Variants in INF2 observed in about 807,000 individuals in gnomAD.
The protein encoded by INF2 is inverted formin 2, also known as inverted formin-2.
A neutral mutation model predicts 123.5 loss-of-function variants in INF2; 43 were observed. The observed-to-expected ratio is 0.35, with a 90% CI of 0.27 to 0.45. INF2 has a LOEUF of 0.45. Ranked by LOEUF, INF2 falls within the 20% of genes least tolerant of loss-of-function variation. The pLI, the probability that INF2 is intolerant of heterozygous loss-of-function variation, is 1.00. For synonymous variants in INF2, 851 were observed against 745.0 expected (o/e 1.14, Z -2.32); for missense variants, 1,453 against 1,682.7 (o/e 0.86, Z 2.39).
intron 8 of INF2, 41 bp downstream of exon 8, chr14:104,708,043 C>G: frequency 6.3e-7 from 1 of 1,597,734 alleles, no homozygotes; most frequent in Non-Finnish European, 8.5e-7. Flanking sequence ...TCCCCTAGGA[C>G]GGGGGCTGGT....
rs574744227 is a variant in INF2, at chr14:104,708,268, A to G, written c.1736-168A>G. 2.8e-4 allele frequency: 262 copies of G among 933,222 alleles called. 1 individual carries two copies. In the African/African-American group the frequency reaches 3.7e-3, roughly 13 times the overall value. The allele number at this position is 933,222 out of a possible 1,614,324, so 57.8% of individuals were successfully genotyped here. A position where few individuals can be genotyped will look rare whatever the true frequency, so the allele number is the denominator to read the frequency against. ...TGCCATGGTGCCCTGGGGCCCTGCTACAGGTGCTCAGGTAGGGAGGTAGGG... is the reference window on the plus strand; with the variant it reads ...TGCCATGGTGCCCTGGGGCCCTGCTGCAGGTGCTCAGGTAGGGAGGTAGGG... On this transcript the variant is annotated intron_variant, in intron 8 of 22. Transcript: ENST00000392634.
chr14:104,692,201 G>A (rs1030413138), intron 1 of INF2, among the ~76,000 whole-genome samples: 5 of 152,350 alleles, frequency 3.3e-5, no homozygotes, highest in South Asian at 2.1e-4. Flanking sequence ...GGGTCCCTCC[G>A]CACGGTCTCC....
chr14:104,707,754 G>A lies in INF2; in HGVS notation c.1487G>A (p.Gly496Asp). The change falls in exon 8 of 23, where the codon GGC becomes GAC. Residue 496 changes from glycine (G) to aspartate (D), a missense_variant. Gly to Asp is a moderately conservative substitution (Grantham distance 94, BLOSUM62 -1). Coordinates refer to ENST00000392634, the MANE Select transcript of INF2 (RefSeq NM_022489.4). Reference protein sequence around the residue: ...FLPPPPPPLPGLGCPPPPPPL... With the variant: ...FLPPPPPPLPDLGCPPPPPPL... ...CCCCCACCACCTCCACCACTCCCGGGCTTGGGATGCCCGCCCCCACCCCCA... is the reference window on the plus strand; with the variant it reads ...CCCCCACCACCTCCACCACTCCCGGACTTGGGATGCCCGCCCCCACCCCCA... 3 of 1,334,732 alleles carry A rather than the reference G, an allele frequency of 2.2e-6. No individual in the cohort carries two copies. Among genetic ancestry groups the A allele is most frequent in the Non-Finnish European group, 3.1e-6 (3 of 979,240 alleles). 82.7% of individuals were successfully genotyped at this position (1,334,732 alleles called of 1,614,324 possible). A position where few individuals can be genotyped will look rare whatever the true frequency, so the allele number is the denominator to read the frequency against.
chr14:104,703,561 G>A (rs1293224276), intron 4 of INF2, 107 bp downstream of exon 4: 23 of 1,448,198 alleles, frequency 1.6e-5, no homozygotes, highest in East Asian at 6.8e-5. Flanking sequence ...AGCTGCCCCC[G>A]ACCCAGGGCC....
chr14:104,714,018 C>G (rs895792058), intron 20 of INF2, among the ~76,000 whole-genome samples, 185 bp from the exon 21 acceptor site: 3 of 152,228 alleles, frequency 2.0e-5, no homozygotes, highest in Admixed American at 6.5e-5. Context: ...CAGTGTCCCC[C>G]ACCCTGCCAC....
At chr14:104,683,617 C>A (rs918712681) in intron 1 of INF2, among the ~76,000 whole-genome samples, 3 of 136,760 alleles carry the variant, frequency 2.2e-5, no homozygotes, top group African/African-American at 8.0e-5. Flanking sequence ...CTCCCCACCA[C>A]ACACACACAG....
At chr14:104,698,360 T>C (rs1889296761) in intron 1 of INF2, among the ~76,000 whole-genome samples, 1 of 152,186 alleles carries the variant, frequency 6.6e-6, no homozygotes, top group Non-Finnish European at 1.5e-5. Context: ...GGCAAGGCTG[T>C]TTTTGCAGAG....
In INF2 at chr14:104,714,309, T is replaced by C. The variant is rs370826572; in HGVS notation, c.3147T>C (p.Leu1049=). Reference sequence around the variant, plus strand: ...CCAGCGAGTCCCGGGGCTGGGACCTTGTAGACGCCGTGACCCCCGGCCCTC... The same window carrying C: ...CCAGCGAGTCCCGGGGCTGGGACCTCGTAGACGCCGTGACCCCCGGCCCTC... The part of the protein sequence containing the change: ...TTASESRGWD[L]VDAVTPGPQP... Residue 1049 remains leucine (L), a synonymous_variant, in exon 21 of 23, where the codon CTT becomes CTC. Coordinates refer to ENST00000392634, the MANE Select transcript of INF2 (RefSeq NM_022489.4). 6.3e-7 allele frequency: 1 copy of C among 1,590,406 alleles called. No individual in the cohort carries two copies. Among genetic ancestry groups the C allele is most frequent in the African/African-American group, 1.3e-5 (1 of 74,212 alleles).
chr14:104,702,741 C>G (rs1215899302), intron 2 of INF2, among the ~76,000 whole-genome samples: 1 of 152,268 alleles, frequency 6.6e-6, no homozygotes, highest in Admixed American at 6.5e-5. Flanking sequence ...GAGACACCCC[C>G]AGAACTTTCA....
chr14:104,708,291 G>A (rs1442515530), intron 8 of INF2, 145 bp from the exon 9 acceptor site: 1 of 1,054,874 alleles, frequency 9.5e-7, no homozygotes, highest in African/African-American at 1.6e-5. Context: ...TAGGGAGGTA[G>A]GGTGCCTGCT....
chr14:104,707,242 C>A lies in INF2; in HGVS notation c.986-11C>A. On this transcript the variant is annotated splice_polypyrimidine_tract_variant and intron_variant, in intron 7 of 22. Coordinates refer to ENST00000392634, the MANE Select transcript of INF2 (RefSeq NM_022489.4). The stretch of plus-strand genomic sequence containing the variant: ...CCCTTCTCCCTTGACCCTGGACATC[C>A]CCTACTGCAGCCCAGGAATGCACCC... The A allele has an allele frequency of 6.2e-7, 1 of 1,604,692 alleles. No homozygotes were observed. The highest frequency in any genetic ancestry group is 2.2e-5 in the East Asian group (1 of 44,542).
intron 19 of INF2, 37 bp from the exon 20 acceptor site, chr14:104,713,408 G>T: frequency 6.3e-7 from 1 of 1,597,600 alleles, no homozygotes; most frequent in Non-Finnish European, 8.5e-7. Flanking sequence ...GGGCTCCAGG[G>T]TCCCATGCCG....
At chr14:104,713,633 A>G (rs1890157666) in intron 20 of INF2, 27 bp downstream of exon 20, 4 of 1,608,022 alleles carry the variant, frequency 2.5e-6, no homozygotes, top group Non-Finnish European at 3.4e-6. Flanking sequence ...CTGCCTCCTC[A>G]TGGTCCCCTT....
chr14:104,710,751 G>C (rs537269147), intron 13 of INF2, 186 bp from the exon 14 acceptor site: 10 of 603,048 alleles, frequency 1.7e-5, no homozygotes, highest in Non-Finnish European at 2.7e-5. Flanking sequence ...CACTGTAGGT[G>C]TCCACTCCCG....
In INF2 at chr14:104,710,261, G is replaced by A. The variant is rs1479312298; in HGVS notation, c.2239+73G>A. ...AACCGGGGCGGGAGGGCTGCTCGGG[G>A]CCCCTGCTACTGCCAGTATCATAAT... On this transcript the variant is annotated intron_variant, in intron 13 of 22. Transcript: ENST00000392634. 5.4e-6 allele frequency: 6 copies of A among 1,116,730 alleles called. No homozygotes were observed. The South Asian group carries it at 5.4e-5, about 10-fold the overall frequency. 69.2% of individuals were successfully genotyped at this position (1,116,730 alleles called of 1,614,324 possible).
chr14:104,681,634 C>T (rs534041412), intron 1 of INF2: 13 of 1,276,838 alleles, frequency 1.0e-5, no homozygotes, highest in Admixed American at 2.3e-5. Context: ...GAAAGCAGAG[C>T]AGACACGGGG....
At chr14:104,703,493 G>A (rs879569824) in intron 4 of INF2, 39 bp downstream of exon 4, 53 of 1,604,756 alleles carry the variant, frequency 3.3e-5, no homozygotes, top group Admixed American at 5.0e-5. Context: ...GCTCCTGCCC[G>A]CCTCTTGGCC....
chr14:104,693,713 G>A (rs914473067), intron 1 of INF2, among the ~76,000 whole-genome samples: 1 of 152,210 alleles, frequency 6.6e-6, no homozygotes, highest in Non-Finnish European at 1.5e-5. Context: ...CCTGGCCCTC[G>A]CCGGGTCGGG....
upstream of INF2, chr14:104,689,587 T>TGCAGC: frequency 1.5e-5 from 13 of 851,044 alleles, no homozygotes; most frequent in Non-Finnish European, 1.8e-5. Context: ...CACCTCCTCT[T>TGCAGC]CCTCCCGCCC....
Sources: gnomAD v4.1 joint callset for allele counts (sites outside exome capture counted in the v4.1 genomes callset) on GRCh38, gnomAD v4.1.1 for gene constraint, MANE v1.5 for transcripts, NCBI Gene and HGNC (gene_info 2026-07-23, HGNC 2026-07-21) for gene names.